The following TBC1D16 variants were observed in gnomAD, a reference collection of about 807,000 sequenced individuals.
TBC1D16 encodes the protein CTD-2529O21.1.
TBC1D16 carries 58 observed loss-of-function variants against 74.7 expected under a neutral mutation model. That is an observed-to-expected ratio of 0.78 (90% CI 0.63 to 0.97). The LOEUF (loss-of-function observed/expected upper bound fraction) is 0.97. Ranked by LOEUF, TBC1D16 falls within the 50% of genes least tolerant of loss-of-function variation. The pLI is 0.00. For missense variants in TBC1D16, 1,014 were observed against 1,079.5 expected, an observed-to-expected ratio of 0.94 and a Z score of 0.85; for synonymous variants, 493 against 474.7, an observed-to-expected ratio of 1.04 and a Z score of -0.50.
In TBC1D16 at chr17:80,019,744, A is replaced by C. The variant is rs1302451642; in HGVS notation, c.-62-6135T>G. Among the ~76,000 whole-genome samples, 2 of 149,702 alleles carry C rather than the reference A, an allele frequency of 1.3e-5. 1 individual carries two copies. Among genetic ancestry groups the C allele is most frequent in the African/African-American group, 5.1e-5 (2 of 39,146 alleles). On this transcript the variant is annotated intron_variant, in intron 1 of 11. Transcript: ENST00000310924. The stretch of plus-strand genomic sequence containing the variant: ...GTGTCCCTTAAATCACATAATCCTA[A>C]GACATTTATGTATTCTCTACTATAT...
At position 79,986,375 on chromosome 17, in the gene TBC1D16, G is replaced by T. The variant is rs532423069; in HGVS notation, c.779+23785C>A. 6.6e-6 allele frequency among the ~76,000 whole-genome samples: 1 copy of T among 152,220 alleles called. No individual in the cohort carries two copies. Among genetic ancestry groups the T allele is most frequent in the African/African-American group, 2.4e-5 (1 of 41,448 alleles). On this transcript the variant is annotated intron_variant, in intron 3 of 11. Transcript: ENST00000310924. This position sits in a 1 kb window ranked among gnomAD's most constrained non-coding sequence, Gnocchi z 6.0. ...CTCTTAGACAGAAGTCTGGGCAGAC[G>T]CAAATGTGCAGCGTTTCAAAGCAAA...
intron 1 of TBC1D16, among the ~76,000 whole-genome samples, chr17:80,024,186 G>A (rs79620218): frequency 0.21 from 29,255 of 137,128 alleles, 4,119 homozygotes; most frequent in East Asian, 0.46. Context: ...AGCCCACCAG[G>A]CAGGACTGCA....
chr17:79,974,313 A>C (rs151127017), intron 3 of TBC1D16, among the ~76,000 whole-genome samples: 131 of 152,142 alleles, frequency 8.6e-4, no homozygotes, highest in South Asian at 4.0e-3. Context: ...ATCTCGGTTC[A>C]CTGCAACTTC....
chr17:79,958,928 T>C (rs1037533639), intron 3 of TBC1D16, among the ~76,000 whole-genome samples: 1 of 152,216 alleles, frequency 6.6e-6, no homozygotes, highest in Non-Finnish European at 1.5e-5. Flanking sequence ...ATAAAAGGCA[T>C]AAAGACTGGA....
intron 9 of TBC1D16, among the ~76,000 whole-genome samples, chr17:79,947,141 G>A (rs1170131479): frequency 6.6e-6 from 1 of 152,210 alleles, no homozygotes; most frequent in Admixed American, 6.5e-5. Context: ...TTTTGAGGAG[G>A]CCTTGACGGG....
In TBC1D16 at chr17:79,951,444, G is replaced by A. The variant is rs1428248377; in HGVS notation, c.1089+6C>T. On this transcript the variant is annotated splice_donor_region_variant and intron_variant, in intron 5 of 11. Coordinates refer to ENST00000310924, the MANE Select transcript of TBC1D16 (RefSeq NM_019020.4). The stretch of plus-strand genomic sequence containing the variant: ...CTGGGCATTCTGGGGCCGTCTGCTG[G>A]GCTACCTGGTCTTTGAGCTGCATCT... 3.1e-6 allele frequency: 5 copies of A among 1,612,658 alleles called. No homozygotes were observed. The East Asian group carries it at 8.9e-5, about 29-fold the overall frequency.
At chr17:79,947,949 A>G (rs2032698396) in intron 8 of TBC1D16, 118 bp from the exon 9 acceptor site, 2 of 798,590 alleles carry the variant, frequency 2.5e-6, no homozygotes, top group Non-Finnish European at 3.9e-6. Context: ...ACCTCAGTGG[A>G]AGGCAGCTGT....
chr17:79,954,175 G>A lies in TBC1D16; in HGVS notation c.780-1357C>T, dbSNP rs1211588377. ...TGCAGCACCCCACAGAGACTCAGCC[G>A]CATTCACCGCACCTGCCTTCCCGTT... On this transcript the variant is annotated intron_variant, in intron 3 of 11. Coordinates refer to ENST00000310924, the MANE Select transcript of TBC1D16 (RefSeq NM_019020.4). This position sits in a 1 kb window ranked among gnomAD's most constrained non-coding sequence, Gnocchi z 5.5. Among the ~76,000 whole-genome samples, 2 of 152,136 alleles carry A rather than the reference G, an allele frequency of 1.3e-5. No individual in the cohort carries two copies. The highest frequency in any genetic ancestry group is 2.4e-5 in the African/African-American group (1 of 41,410).
intron 7 of TBC1D16, 45 bp downstream of exon 7, chr17:79,949,672 C>T (rs1394367466): frequency 6.3e-7 from 1 of 1,579,686 alleles, no homozygotes; most frequent in African/African-American, 1.4e-5. Context: ...ATGACATTTT[C>T]CTCCGCGGCT....
intron 1 of TBC1D16, among the ~76,000 whole-genome samples, chr17:80,024,489 ACACACCACACGCACCATAGACAAACCACG>A (rs2036442426): frequency 6.7e-6 from 1 of 148,738 alleles, no homozygotes; most frequent in East Asian, 2.0e-4. Context: ...CACCATAGAC[ACACACCACACGCACCATAGACAAACCACG>A]CACACCATGC....
At chr17:79,970,026 A>G (rs1287736423) in intron 3 of TBC1D16, among the ~76,000 whole-genome samples, 3 of 152,198 alleles carry the variant, frequency 2.0e-5, no homozygotes, top group African/African-American at 7.2e-5. Flanking sequence ...TCATATCCAA[A>G]AAGAGAAAAA....
chr17:79,943,196 C>T (rs965834698), intron 10 of TBC1D16, among the ~76,000 whole-genome samples: 1 of 152,220 alleles, frequency 6.6e-6, no homozygotes, highest in Non-Finnish European at 1.5e-5. Context: ...ACCAGGCTGC[C>T]CGGCTGCTTC....
chr17:80,013,654 G>A (rs149485236), intron 1 of TBC1D16, 45 bp from the exon 2 acceptor site: 65 of 1,251,454 alleles, frequency 5.2e-5, no homozygotes, highest in South Asian at 3.7e-4. Flanking sequence ...GTGGACTTGC[G>A]TTCTGTCTCA....
chr17:79,991,739 C>A (rs905720811), intron 3 of TBC1D16, among the ~76,000 whole-genome samples: 90 of 150,888 alleles, frequency 6.0e-4, no homozygotes, highest in African/African-American at 2.1e-3. Context: ...AGGGCGGGGG[C>A]GTGCACCGCA....
intron 3 of TBC1D16, among the ~76,000 whole-genome samples, chr17:79,984,812 A>G (rs562283638): frequency 6.6e-6 from 1 of 152,212 alleles, no homozygotes; most frequent in African/African-American, 2.4e-5. Context: ...CAAGCAGGTG[A>G]AAAGACCACA....
At chr17:80,032,762 T>C (rs2036818061) in intron 1 of TBC1D16, among the ~76,000 whole-genome samples, 1 of 152,184 alleles carries the variant, frequency 6.6e-6, no homozygotes, top group Non-Finnish European at 1.5e-5. Context: ...AATTCGATCA[T>C]AAAATCATCC....
At position 79,951,435 on chromosome 17, in the gene TBC1D16, C is replaced by T. The variant is rs772810073; in HGVS notation, c.1089+15G>A. 67 of 1,610,514 alleles carry T rather than the reference C, an allele frequency of 4.2e-5. No individual in the cohort carries two copies. The highest frequency in any genetic ancestry group is 1.6e-4 in the African/African-American group (12 of 74,698). On this transcript the variant is annotated intron_variant, in intron 5 of 11. Transcript: ENST00000310924. Reference sequence around the variant, plus strand: ...TGTCAACCGCTGGGCATTCTGGGGCCGTCTGCTGGGCTACCTGGTCTTTGA... The same window carrying T: ...TGTCAACCGCTGGGCATTCTGGGGCTGTCTGCTGGGCTACCTGGTCTTTGA...
intron 1 of TBC1D16, among the ~76,000 whole-genome samples, chr17:80,017,680 C>CAAAAA (rs57336950): frequency 4.7e-5 from 4 of 84,844 alleles, no homozygotes; most frequent in Non-Finnish European, 9.6e-5. Context: ...GACTCCATCT[C>CAAAAA]AAAAAAAAAA....
At chr17:79,976,089 T>C (rs934463026) in intron 3 of TBC1D16, among the ~76,000 whole-genome samples, 1 of 152,230 alleles carries the variant, frequency 6.6e-6, no homozygotes, top group Non-Finnish European at 1.5e-5. Context: ...ACCTCGGCCT[T>C]ACTAACCCTT....
Sources: gnomAD v4.1 joint callset for allele counts (sites outside exome capture counted in the v4.1 genomes callset) on GRCh38, gnomAD v4.1.1 for gene constraint, Gnocchi (gnomAD v3.1) non-coding constraint, MANE v1.5 for transcripts, NCBI Gene and HGNC (gene_info 2026-07-23, HGNC 2026-07-21) for gene names.